Variants in RPTOR observed in about 807,000 individuals in gnomAD.
RPTOR encodes regulatory-associated protein of mTOR.
A neutral mutation model predicts 169.9 loss-of-function variants in RPTOR; 21 were observed. The ratio of observed to expected loss-of-function variants is 0.12; its 90% CI spans 0.09 to 0.18. The LOEUF is 0.18. RPTOR is among the 10% of genes least tolerant of loss of function. The probability of loss-of-function intolerance (pLI) is 1.00; values close to 1 mark genes in which losing one functional copy is unlikely to be tolerated. For synonymous variants in RPTOR, 732 were observed against 753.2 expected, an observed-to-expected ratio of 0.97 and a Z score of 0.46; for missense variants, 1,133 against 1,855.9, an observed-to-expected ratio of 0.61 and a Z score of 7.16.
intron 3 of RPTOR, among the ~76,000 whole-genome samples, chr17:80,687,048 C>T (rs1322967374): frequency 6.6e-6 from 1 of 152,200 alleles, no homozygotes; most frequent in Admixed American, 6.5e-5. Context: ...ATACATCACC[C>T]CACGCAATGC....
At chr17:80,741,516 T>TA (rs1182451338) in intron 5 of RPTOR, among the ~76,000 whole-genome samples, 1 of 152,182 alleles carries the variant, frequency 6.6e-6, no homozygotes, top group Non-Finnish European at 1.5e-5. Flanking sequence ...ATGGAGCAGC[T>TA]GTCTCCCGAG....
At chr17:80,604,326 CAG>C (rs2065212978) in intron 1 of RPTOR, among the ~76,000 whole-genome samples, 1 of 152,228 alleles carries the variant, frequency 6.6e-6, no homozygotes, top group South Asian at 2.1e-4. Flanking sequence ...AGAATGCTGG[CAG>C]AGTTACTTCT....
chr17:80,583,857 T>C lies in RPTOR; in HGVS notation c.162+38066T>C, dbSNP rs144329566. Among the ~76,000 whole-genome samples the C allele has an allele frequency of 3.6e-3, 542 of 152,292 alleles. 2 individuals are homozygous for C. Among genetic ancestry groups the C allele is most frequent in the African/African-American group, 0.012 (516 of 41,562 alleles). On this transcript the variant is annotated intron_variant, in intron 1 of 33. Coordinates refer to ENST00000306801, the MANE Select transcript of RPTOR (RefSeq NM_020761.3). ...CAAGGGGTACCTAATGTGCTCTTAT[T>C]TGGCCCATGATGAGTGGAGAAAGAG...
intron 7 of RPTOR, among the ~76,000 whole-genome samples, chr17:80,819,358 T>C (rs2067356225): frequency 6.6e-6 from 1 of 152,270 alleles, no homozygotes; most frequent in Non-Finnish European, 1.5e-5. Context: ...TAATCGTGAC[T>C]ATAGAGTATT....
At chr17:80,642,860 G>A (rs544159305) in intron 2 of RPTOR, among the ~76,000 whole-genome samples, 38 of 152,202 alleles carry the variant, frequency 2.5e-4, no homozygotes, top group Middle Eastern at 3.4e-3. Flanking sequence ...TGCCACAGGC[G>A]AATGCAAAAA....
At chr17:80,725,373 A>G (rs1044718864) in intron 4 of RPTOR, among the ~76,000 whole-genome samples, 1 of 152,264 alleles carries the variant, frequency 6.6e-6, no homozygotes, top group African/African-American at 2.4e-5. Flanking sequence ...AAAAGAAAAC[A>G]TGGCCTTGAA....
At position 80,905,013 on chromosome 17, in the gene RPTOR, A is replaced by T. The variant is rs2068522720; in HGVS notation, c.2402-3798A>T. Among the ~76,000 whole-genome samples, 3 of 151,936 alleles carry T rather than the reference A, an allele frequency of 2.0e-5. No homozygotes were observed. In the South Asian group the frequency reaches 6.3e-4, roughly 32 times the overall value. On this transcript the variant is annotated intron_variant, in intron 20 of 33. Coordinates refer to ENST00000306801, the MANE Select transcript of RPTOR (RefSeq NM_020761.3). Reference sequence around the variant, plus strand: ...GACAACAATAGCGTTGGCCCTCGGTACGCGTGGGGGACTCAAGGGCCCAGG... The same window carrying T: ...GACAACAATAGCGTTGGCCCTCGGTTCGCGTGGGGGACTCAAGGGCCCAGG...
intron 1 of RPTOR, among the ~76,000 whole-genome samples, chr17:80,569,980 C>T (rs894248344): frequency 6.6e-6 from 1 of 152,136 alleles, no homozygotes; most frequent in African/African-American, 2.4e-5. Flanking sequence ...AGCAGCACGC[C>T]CTGCCTTGCC....
chr17:80,770,668 C>T (rs920665001), intron 6 of RPTOR, among the ~76,000 whole-genome samples: 5 of 152,212 alleles, frequency 3.3e-5, no homozygotes, highest in African/African-American at 1.2e-4. Flanking sequence ...TGTTTGCATT[C>T]TCTAAGAGGA....
chr17:80,828,095 A>C (rs1243027026), intron 9 of RPTOR, among the ~76,000 whole-genome samples: 1 of 152,158 alleles, frequency 6.6e-6, no homozygotes, highest in African/African-American at 2.4e-5. Flanking sequence ...GTGGTGTTTA[A>C]CCAGGGAGGA....
At chr17:80,557,328 T>C (rs2084421913) in intron 1 of RPTOR, among the ~76,000 whole-genome samples, 1 of 152,130 alleles carries the variant, frequency 6.6e-6, no homozygotes, top group Non-Finnish European at 1.5e-5. Flanking sequence ...AAGACCAGCC[T>C]GGTCAACATG....
Position 80,730,796 on chromosome 17 carries a change from G to A in RPTOR, c.654+90G>A, listed in dbSNP as rs1353625523. 9 of 1,230,700 alleles carry A rather than the reference G, an allele frequency of 7.3e-6. No individual in the cohort carries two copies. Among genetic ancestry groups the A allele is most frequent in the African/African-American group, 1.4e-5 (1 of 70,162 alleles). The allele number at this position is 1,230,700 out of a possible 1,614,324, so 76.2% of individuals were successfully genotyped here. A position where few individuals can be genotyped will look rare whatever the true frequency, so the allele number is the denominator to read the frequency against. Reference sequence around the variant, plus strand: ...TGGGTGGGGAGGTTGGGAGGTGTTGGACATCCTCTGAATGGAGCAGGGCTC... The same window carrying A: ...TGGGTGGGGAGGTTGGGAGGTGTTGAACATCCTCTGAATGGAGCAGGGCTC... On this transcript the variant is annotated intron_variant, in intron 5 of 33. Coordinates refer to ENST00000306801, the MANE Select transcript of RPTOR (RefSeq NM_020761.3). The surrounding 1 kb of genome is among the most constrained non-coding windows in gnomAD (Gnocchi z 4.2).
intron 3 of RPTOR, among the ~76,000 whole-genome samples, chr17:80,666,558 G>A (rs747686394): frequency 2.6e-5 from 4 of 152,232 alleles, no homozygotes; most frequent in Non-Finnish European, 5.9e-5. Context: ...GGCCATATAT[G>A]CGTCACTTTG....
At chr17:80,853,701 G>A (rs564450121) in intron 11 of RPTOR, among the ~76,000 whole-genome samples, 2 of 152,318 alleles carry the variant, frequency 1.3e-5, no homozygotes, top group South Asian at 2.1e-4. Flanking sequence ...AAGCTTGGCC[G>A]GGCACGGTGG....
chr17:80,740,163 G>A (rs1295174965), intron 5 of RPTOR, among the ~76,000 whole-genome samples: 9 of 152,064 alleles, frequency 5.9e-5, no homozygotes, highest in East Asian at 1.9e-4. Context: ...CCAATTCCTC[G>A]AAAACCCCCA....
intron 11 of RPTOR, among the ~76,000 whole-genome samples, chr17:80,849,132 G>A (rs1274190304): frequency 6.6e-6 from 1 of 152,150 alleles, no homozygotes; most frequent in African/African-American, 2.4e-5. Flanking sequence ...TCGTTAACTC[G>A]GCTCACTTCC....
At chr17:80,782,616 A>G (rs1251655956) in intron 6 of RPTOR, among the ~76,000 whole-genome samples, 1 of 152,130 alleles carries the variant, frequency 6.6e-6, no homozygotes, top group East Asian at 1.9e-4. Flanking sequence ...GTTGCCCCAT[A>G]GCTGTTCCTC....
At chr17:80,899,579 C>T (rs999686039) in intron 20 of RPTOR, among the ~76,000 whole-genome samples, 4 of 152,350 alleles carry the variant, frequency 2.6e-5, no homozygotes, top group East Asian at 1.9e-4. Context: ...AGCTCCCTTC[C>T]GTCACGTGTA....
At chr17:80,604,251 A>G (rs865919972) in intron 1 of RPTOR, among the ~76,000 whole-genome samples, 1 of 152,266 alleles carries the variant, frequency 6.6e-6, no homozygotes, top group East Asian at 1.9e-4. Flanking sequence ...GAAAAAACTT[A>G]TTAGAATTGT....
Sources: gnomAD v4.1 joint callset for allele counts (sites outside exome capture counted in the v4.1 genomes callset) on GRCh38, gnomAD v4.1.1 for gene constraint, Gnocchi (gnomAD v3.1) non-coding constraint, MANE v1.5 for transcripts, NCBI Gene and HGNC (gene_info 2026-07-23, HGNC 2026-07-21) for gene names.